Variants in STX17 observed in about 807,000 individuals in gnomAD.
The protein encoded by STX17 is syntaxin-17.
Under a neutral mutation model 35.9 loss-of-function variants are expected in STX17, and 29 were observed. The ratio of observed to expected loss-of-function variants is 0.81; its 90% confidence interval spans 0.60 to 1.10. The LOEUF is 1.10. Among genes scored for constraint, STX17 ranks in the 50% least tolerant of loss-of-function variants. The probability of loss-of-function intolerance (pLI) is 0.00; values close to 1 mark genes in which losing one functional copy is unlikely to be tolerated. For missense variants in STX17, 312 were observed against 352.3 expected (o/e 0.89, Z 0.92); for synonymous variants, 92 against 118.3 (o/e 0.78, Z 1.44).
chr9:99,944,877 TTCA>T (rs1829446198), intron 3 of STX17, among the ~76,000 whole-genome samples: 1 of 152,192 alleles, frequency 6.6e-6, no homozygotes. Flanking sequence ...TATGTCTTTC[TTCA>T]TTATTGGTCA....
intron 3 of STX17, among the ~76,000 whole-genome samples, chr9:99,950,802 G>A (rs1829576132): frequency 1.3e-5 from 2 of 152,000 alleles, no homozygotes; most frequent in South Asian, 2.1e-4. Context: ...TTGATTTATT[G>A]TGAAGAGCAT....
At position 99,973,270 on chromosome 9, in the gene STX17, A is replaced by C. The variant is rs1830049291; in HGVS notation, c.*4597A>C. Among the ~76,000 whole-genome samples the C allele has an allele frequency of 2.0e-5, 3 of 152,230 alleles. No individual in the cohort carries two copies. In the South Asian group the frequency reaches 6.2e-4, roughly 32 times the overall value. On this transcript the variant is annotated 3_prime_UTR_variant, in exon 8 of 8. Transcript: ENST00000259400. Reference sequence around the variant, plus strand: ...GGCAAATAATTTGCTCTAGATCACAAAACTAGTTAGCACAAGGCTAGGATT... The same window carrying C: ...GGCAAATAATTTGCTCTAGATCACACAACTAGTTAGCACAAGGCTAGGATT...
chr9:99,951,974 A>G (rs1442364776), intron 4 of STX17, among the ~76,000 whole-genome samples: 2 of 152,040 alleles, frequency 1.3e-5, no homozygotes, highest in African/African-American at 2.4e-5. Context: ...GTTTACTAGA[A>G]AGCTTAGAGC....
rs1828736607 is a variant in STX17 at position 99,914,979 on chromosome 9, A to G, written c.-62-199A>G. On this transcript the variant is annotated intron_variant, in intron 1 of 7. Coordinates refer to ENST00000259400, the MANE Select transcript of STX17 (RefSeq NM_017919.3). ...TTCTTCATTTATTTATATTGTCTGAACATTCTAAAATATAATTTTTGTAAA... is the reference window on the plus strand; with the variant it reads ...TTCTTCATTTATTTATATTGTCTGAGCATTCTAAAATATAATTTTTGTAAA... The G allele has an allele frequency of 1.3e-5, 3 of 238,080 alleles. No individual in the cohort carries two copies. In the South Asian group the frequency reaches 2.2e-4, roughly 17 times the overall value. 14.7% of individuals were successfully genotyped at this position (238,080 alleles called of 1,614,324 possible).
intron 6 of STX17, among the ~76,000 whole-genome samples, chr9:99,964,116 A>G (rs1829873818): frequency 6.6e-6 from 1 of 152,206 alleles, no homozygotes; most frequent in African/African-American, 2.4e-5. Context: ...TGTTAATGAT[A>G]TAAATGGATT....
chr9:99,957,761 C>T (rs931663929), intron 4 of STX17, among the ~76,000 whole-genome samples: 1 of 149,732 alleles, frequency 6.7e-6, no homozygotes, highest in African/African-American at 2.5e-5. Flanking sequence ...TCTAGTAATT[C>T]TTCTGCCTCA....
chr9:99,971,848 CT>C lies in STX17; in HGVS notation c.*3177del, dbSNP rs11336521. Among the ~76,000 whole-genome samples, 104,624 of 151,950 alleles carry C rather than the reference CT, an allele frequency of 0.69. 36,300 individuals carry two copies. The highest frequency in any genetic ancestry group is 0.74 in the African/African-American group (30,635 of 41,434). ...CCAGCCTGGGCAACATAGTGAGACTCTTGTCTGTATGAAAAAAATTAAGAAT... is the reference window on the plus strand; with the variant it reads ...CCAGCCTGGGCAACATAGTGAGACTCTGTCTGTATGAAAAAAATTAAGAAT... On this transcript the variant is annotated 3_prime_UTR_variant, in exon 8 of 8. Coordinates refer to ENST00000259400, the MANE Select transcript of STX17 (RefSeq NM_017919.3).
intron 7 of STX17, 50 bp from the exon 8 acceptor site, chr9:99,968,384 G>A (rs1829959221): frequency 6.6e-7 from 1 of 1,514,220 alleles, no homozygotes; most frequent in South Asian, 1.4e-5. Flanking sequence ...ATCACCACAG[G>A]CAGATATTCT....
In STX17 at chr9:99,956,215, T is replaced by G. The variant is rs547913143; in HGVS notation, c.416-3702T>G. The stretch of plus-strand genomic sequence containing the variant: ...GTAAATGACTTAAACATTTTTATTC[T>G]TTACTGAGGGAAATCTTTTATGTTT... On this transcript the variant is annotated intron_variant, in intron 4 of 7. Transcript: ENST00000259400. Among the ~76,000 whole-genome samples the G allele has an allele frequency of 1.4e-3, 220 of 152,260 alleles. 1 individual carries two copies. In the South Asian group the frequency reaches 0.029, roughly 20 times the overall value.
At position 99,972,023 on chromosome 9, in the gene STX17, C is replaced by T. The variant is rs1830024540; in HGVS notation, c.*3350C>T. ...AAAAAAAGGTGGGTCATCCATTCTC[C>T]TTTACCAAACAGGCTTTGAAATGAC... On this transcript the variant is annotated 3_prime_UTR_variant, in exon 8 of 8. Coordinates refer to ENST00000259400, the MANE Select transcript of STX17 (RefSeq NM_017919.3). Among the ~76,000 whole-genome samples the T allele has an allele frequency of 6.6e-6, 1 of 152,184 alleles. No homozygotes were observed.
At chr9:99,922,259 G>A (rs765487588) in intron 2 of STX17, among the ~76,000 whole-genome samples, 1 of 152,176 alleles carries the variant, frequency 6.6e-6, no homozygotes, top group Non-Finnish European at 1.5e-5. Context: ...AAGGGGACAG[G>A]AGTCAGTCTG....
Position 99,971,017 on chromosome 9 carries a change from A to G in STX17, c.*2344A>G, listed in dbSNP as rs1830006988. 6.6e-6 allele frequency among the ~76,000 whole-genome samples: 1 copy of G among 152,236 alleles called. No individual in the cohort carries two copies. Among genetic ancestry groups the G allele is most frequent in the Non-Finnish European group, 1.5e-5 (1 of 68,048 alleles). On this transcript the variant is annotated 3_prime_UTR_variant, in exon 8 of 8. Coordinates refer to ENST00000259400, the MANE Select transcript of STX17 (RefSeq NM_017919.3). ...GCAAGTTACAGTCCTTTTAAAAAGT[A>G]TCTCATTTCCCTATAATGGAACCTA...
At chr9:99,965,336 A>G (rs1829893736) in intron 6 of STX17, among the ~76,000 whole-genome samples, 1 of 152,204 alleles carries the variant, frequency 6.6e-6, no homozygotes, top group Non-Finnish European at 1.5e-5. Flanking sequence ...ATTAGAAAGT[A>G]TTTCCCTGAG....
At chr9:99,928,429 G>A (rs187514109) in intron 2 of STX17, among the ~76,000 whole-genome samples, 9 of 151,882 alleles carry the variant, frequency 5.9e-5, no homozygotes, top group East Asian at 1.9e-4. Flanking sequence ...AATATCTTAT[G>A]AACACTGTTC....
intron 4 of STX17, among the ~76,000 whole-genome samples, chr9:99,955,465 A>T (rs1356103823): frequency 6.6e-6 from 1 of 152,102 alleles, no homozygotes; most frequent in African/African-American, 2.4e-5. Flanking sequence ...GATGATCAGT[A>T]AATTAATTTC....
intron 3 of STX17, among the ~76,000 whole-genome samples, chr9:99,939,472 T>C (rs2118422670): frequency 6.6e-6 from 1 of 152,324 alleles, no homozygotes; most frequent in East Asian, 1.9e-4. Context: ...ACTATTATTT[T>C]GTATACCTCT....
chr9:99,931,703 C>T (rs1005580694), intron 3 of STX17, among the ~76,000 whole-genome samples: 5 of 152,112 alleles, frequency 3.3e-5, no homozygotes, highest in Non-Finnish European at 5.9e-5. Context: ...AGTCCCTGTT[C>T]TATTGGATGT....
chr9:99,954,300 A>G (rs753476203), intron 4 of STX17, among the ~76,000 whole-genome samples: 13 of 152,042 alleles, frequency 8.6e-5, no homozygotes, highest in African/African-American at 1.7e-4. Flanking sequence ...TTCAAATTCA[A>G]TAGTCTGCTT....
At chr9:99,963,061 G>C (rs1829857782) in intron 6 of STX17, among the ~76,000 whole-genome samples, 1 of 152,084 alleles carries the variant, frequency 6.6e-6, no homozygotes, top group Non-Finnish European at 1.5e-5. Flanking sequence ...TAGTAATAGT[G>C]GTTGCACAAT....
Sources: gnomAD v4.1 joint callset for allele counts (sites outside exome capture counted in the v4.1 genomes callset) on GRCh38, gnomAD v4.1.1 for gene constraint, MANE v1.5 for transcripts, NCBI Gene and HGNC (gene_info 2026-07-23, HGNC 2026-07-21) for gene names.